Variants in MTREX observed in about 807,000 individuals in gnomAD.
MTREX encodes exosome RNA helicase MTR4.
MTREX carries 76 observed loss-of-function variants against 135.4 expected under a neutral mutation model. The ratio of observed to expected loss-of-function variants is 0.56; its 90% CI spans 0.47 to 0.68. The LOEUF (loss-of-function observed/expected upper bound fraction) is 0.68, where lower values mean the gene tolerates loss of function less well. MTREX is among the 30% of genes least tolerant of loss of function. The pLI, the probability that MTREX is intolerant of heterozygous loss-of-function variation, is 0.00. For missense variants in MTREX, 920 were observed against 1,262.1 expected (o/e 0.73, Z 4.11); for synonymous variants, 404 against 401.6 (o/e 1.01, Z -0.07).
chr5:55,389,580 A>C (rs529297954), intron 19 of MTREX, among the ~76,000 whole-genome samples: 1 of 152,218 alleles, frequency 6.6e-6, no homozygotes, highest in African/African-American at 2.4e-5. Context: ...TTGTGCTTCA[A>C]AACTGCTCAG....
chr5:55,394,669 A>T (rs1230927066), intron 19 of MTREX, among the ~76,000 whole-genome samples: 1 of 152,328 alleles, frequency 6.6e-6, no homozygotes, highest in East Asian at 1.9e-4. Context: ...GGTTCTTAAC[A>T]GGCCACAGAC....
At chr5:55,386,113 T>C (rs1579885918) in intron 18 of MTREX, among the ~76,000 whole-genome samples, 1 of 152,024 alleles carries the variant, frequency 6.6e-6, no homozygotes, top group African/African-American at 2.4e-5. Context: ...GCAGAGGGAG[T>C]ATCCAAACCG....
At chr5:55,354,660 G>C (rs1749881225) in intron 14 of MTREX, among the ~76,000 whole-genome samples, 1 of 2,744 alleles carries the variant, frequency 3.6e-4, no homozygotes, top group African/African-American at 1.9e-3. Flanking sequence ...TCTTGGGTCA[G>C]GAGGGCCTGG....
chr5:55,324,222 G>A (rs1379071993), intron 3 of MTREX, 24 bp downstream of exon 3: 10 of 1,562,274 alleles, frequency 6.4e-6, no homozygotes, highest in African/African-American at 2.8e-5. Context: ...GCATACAGAA[G>A]GTTAGTGTTA....
Position 55,424,872 on chromosome 5 carries a change from T to C in MTREX, c.*100T>C. The C allele has an allele frequency of 1.3e-6, 1 of 798,996 alleles. No individual in the cohort carries two copies. The highest frequency in any genetic ancestry group is 2.1e-6 in the Non-Finnish European group (1 of 475,082). 49.5% of individuals were successfully genotyped at this position (798,996 alleles called of 1,614,324 possible). ...GTGTGGATTTGGTTCTCCCATACAT[T>C]TTAATATGTATTATATTTAAATCAA... On this transcript the variant is annotated 3_prime_UTR_variant, in exon 27 of 27. Coordinates refer to ENST00000230640, the MANE Select transcript of MTREX (RefSeq NM_015360.5).
At chr5:55,312,856 T>C (rs1749136950) in intron 1 of MTREX, among the ~76,000 whole-genome samples, 1 of 152,198 alleles carries the variant, frequency 6.6e-6, no homozygotes, top group Non-Finnish European at 1.5e-5. Context: ...TTATGTGTTT[T>C]TTGGATTTTC....
chr5:55,358,781 C>A, intron 15 of MTREX, 83 bp downstream of exon 15: 1 of 1,180,918 alleles, frequency 8.5e-7, no homozygotes, highest in Non-Finnish European at 1.2e-6. Context: ...TTGTGTCAGT[C>A]AGACACCTAA....
intron 11 of MTREX, 32 bp from the exon 12 acceptor site, chr5:55,349,541 T>C (rs1244311754): frequency 3.4e-6 from 4 of 1,182,014 alleles, no homozygotes; most frequent in African/African-American, 1.5e-5. Context: ...TAACTCATTT[T>C]GATATTTCTG....
At chr5:55,409,301 C>T (rs1391272374) in intron 22 of MTREX, among the ~76,000 whole-genome samples, 2 of 152,086 alleles carry the variant, frequency 1.3e-5, no homozygotes, top group Non-Finnish European at 2.9e-5. Context: ...AATCATTCAA[C>T]AGAAAGGGCC....
At chr5:55,322,850 C>A (rs936227073) in intron 2 of MTREX, among the ~76,000 whole-genome samples, 12 of 152,176 alleles carry the variant, frequency 7.9e-5, no homozygotes, top group African/African-American at 2.9e-4. Context: ...ATTAGATTTT[C>A]ATTGTTGCAT....
At chr5:55,333,507 T>C (rs1003813770) in intron 5 of MTREX, among the ~76,000 whole-genome samples, 3 of 152,164 alleles carry the variant, frequency 2.0e-5, no homozygotes, top group East Asian at 3.8e-4. Flanking sequence ...TAGTGTAACC[T>C]TGCTTTCATT....
chr5:55,416,379 A>G (rs1435291136), intron 25 of MTREX, among the ~76,000 whole-genome samples: 5 of 151,992 alleles, frequency 3.3e-5, no homozygotes, highest in Non-Finnish European at 5.9e-5. Flanking sequence ...TTGTAATTCT[A>G]TGAGTTTCTA....
At chr5:55,383,045 A>T (rs1043302896) in intron 18 of MTREX, among the ~76,000 whole-genome samples, 1 of 152,154 alleles carries the variant, frequency 6.6e-6, no homozygotes, top group African/African-American at 2.4e-5. Context: ...GTTCCTGTGG[A>T]TTCATGTTAC....
In MTREX at chr5:55,414,243, G is replaced by GTT; in HGVS notation, c.2808+5_2808+6insTT. The GTT allele has an allele frequency of 2.0e-6, 3 of 1,470,412 alleles. No individual in the cohort carries two copies. The highest frequency in any genetic ancestry group is 1.8e-6 in the Non-Finnish European group (2 of 1,100,454). The allele number at this position is 1,470,412 out of a possible 1,614,324, so 91.1% of individuals were successfully genotyped here. On this transcript the variant is annotated splice_donor_region_variant and intron_variant, in intron 24 of 26. Coordinates refer to ENST00000230640, the MANE Select transcript of MTREX (RefSeq NM_015360.5). ...GGACCACTTCGTCAAATGCAGGTAA[G>GTT]GTTTTTTTTTTTTTTTTTTGAACTA...
chr5:55,358,989 C>A (rs1477404101), intron 15 of MTREX, among the ~76,000 whole-genome samples: 1 of 152,112 alleles, frequency 6.6e-6, no homozygotes, highest in Admixed American at 6.5e-5. Flanking sequence ...CTTTATTTGA[C>A]CCATCCACTG....
At chr5:55,376,547 A>G (rs1431226059) in intron 16 of MTREX, among the ~76,000 whole-genome samples, 1 of 152,244 alleles carries the variant, frequency 6.6e-6, no homozygotes, top group African/African-American at 2.4e-5. Context: ...AACAGCGATT[A>G]AAGTGAAAAC....
intron 5 of MTREX, among the ~76,000 whole-genome samples, chr5:55,331,216 T>C (rs1339594316): frequency 6.6e-6 from 1 of 152,212 alleles, no homozygotes; most frequent in Non-Finnish European, 1.5e-5. Context: ...GACTGTGTTT[T>C]CCTGCACCTT....
chr5:55,348,302 C>G (rs1404696878), intron 11 of MTREX, among the ~76,000 whole-genome samples: 1 of 152,150 alleles, frequency 6.6e-6, no homozygotes, highest in Non-Finnish European at 1.5e-5. Flanking sequence ...AACTAACCCA[C>G]TCCTCTGATA....
At chr5:55,347,230 T>C in intron 11 of MTREX, 86 bp downstream of exon 11, 1 of 1,344,918 alleles carries the variant, frequency 7.4e-7, no homozygotes, top group South Asian at 1.3e-5. Flanking sequence ...CTGTTACATA[T>C]TACTAGGATA....
Sources: allele counts gnomAD v4.1 joint callset (sites outside exome capture counted in the v4.1 genomes callset), GRCh38; gene constraint gnomAD v4.1.1; transcripts MANE v1.5; gene names NCBI Gene and HGNC (gene_info 2026-07-23, HGNC 2026-07-21).